The following NRXN1 variants were observed in gnomAD, a reference collection of about 807,000 sequenced individuals.
NRXN1 encodes neurexin-1.
A neutral mutation model predicts 150.9 loss-of-function variants in NRXN1; 39 were observed. The ratio of observed to expected loss-of-function variants is 0.26; its 90% CI spans 0.20 to 0.34. The LOEUF (loss-of-function observed/expected upper bound fraction) is 0.34. Ranked by LOEUF, NRXN1 falls within the 10% of genes least tolerant of loss-of-function variation. The pLI is 1.00. For missense variants in NRXN1, 1,815 were observed against 1,949.9 expected (o/e 0.93, Z 1.30); for synonymous variants, 924 against 757.0 (o/e 1.22, Z -3.62).
intron 5 of NRXN1, among the ~76,000 whole-genome samples, chr2:50,743,892 A>G (rs1273216528): frequency 2.0e-5 from 3 of 152,194 alleles, no homozygotes; most frequent in African/African-American, 7.2e-5. Context: ...ATTAATGGAA[A>G]CAGAAAGTTT....
At chr2:50,416,680 C>T (rs2083562142) in intron 17 of NRXN1, among the ~76,000 whole-genome samples, 2 of 152,010 alleles carry the variant, frequency 1.3e-5, no homozygotes, top group South Asian at 4.1e-4. Flanking sequence ...GGGAAGCAAA[C>T]ATGTCCTTCT....
intron 5 of NRXN1, among the ~76,000 whole-genome samples, chr2:50,840,193 T>A (rs1672672447): frequency 6.6e-6 from 1 of 152,180 alleles, no homozygotes; most frequent in Non-Finnish European, 1.5e-5. Context: ...GTTAAATGAA[T>A]GAGTTTTTAA....
intron 17 of NRXN1, among the ~76,000 whole-genome samples, chr2:50,370,589 A>T (rs774118890): frequency 3.9e-5 from 6 of 151,970 alleles, no homozygotes; most frequent in Non-Finnish European, 8.8e-5. Flanking sequence ...TCCTTTGCAG[A>T]CAGTTCTCTG....
chr2:50,244,245 T>A (rs2066295710), intron 17 of NRXN1, among the ~76,000 whole-genome samples: 1 of 151,892 alleles, frequency 6.6e-6, no homozygotes, highest in Admixed American at 6.6e-5. Flanking sequence ...GAAATAATTA[T>A]TTAAAATGTA....
At chr2:50,351,454 C>G (rs1399045069) in intron 17 of NRXN1, among the ~76,000 whole-genome samples, 1 of 152,102 alleles carries the variant, frequency 6.6e-6, no homozygotes, top group Non-Finnish European at 1.5e-5. Flanking sequence ...TAAGTTATCA[C>G]TGATGAAATT....
chr2:50,549,927 T>C (rs1329683202), intron 9 of NRXN1, among the ~76,000 whole-genome samples: 2 of 152,136 alleles, frequency 1.3e-5, no homozygotes, highest in African/African-American at 2.4e-5. Flanking sequence ...TATACACATA[T>C]ACATGTAGAG....
intron 5 of NRXN1, among the ~76,000 whole-genome samples, chr2:50,865,067 C>G (rs68017496): frequency 0.18 from 26,530 of 151,482 alleles, 2,446 homozygotes; most frequent in Middle Eastern, 0.21. Context: ...TGTGTGTATG[C>G]GGTGAGGGGG....
At chr2:50,259,103 TA>T (rs1244437611) in intron 17 of NRXN1, among the ~76,000 whole-genome samples, 1 of 151,970 alleles carries the variant, frequency 6.6e-6, no homozygotes. Flanking sequence ...CATTAGCCCC[TA>T]AAAGAGAGTC....
intron 17 of NRXN1, among the ~76,000 whole-genome samples, chr2:50,423,260 A>G (rs762583846): frequency 6.6e-6 from 1 of 152,164 alleles, no homozygotes; most frequent in Non-Finnish European, 1.5e-5. Context: ...CCTTAAAAAC[A>G]GGGATATATC....
At chr2:50,080,578 T>C (rs1020189532) in intron 19 of NRXN1, among the ~76,000 whole-genome samples, 50 of 152,182 alleles carry the variant, frequency 3.3e-4, no homozygotes, top group Admixed American at 9.2e-4. Context: ...AATGAAACTC[T>C]GAAACCATGC....
At chr2:50,521,830 C>A (rs751830869) in intron 12 of NRXN1, among the ~76,000 whole-genome samples, 29 of 152,076 alleles carry the variant, frequency 1.9e-4, no homozygotes, top group Non-Finnish European at 4.1e-4. Flanking sequence ...ATTTGGATCA[C>A]CAGTGGATCC....
At chr2:50,815,438 C>A (rs951758160) in intron 5 of NRXN1, among the ~76,000 whole-genome samples, 1 of 152,010 alleles carries the variant, frequency 6.6e-6, no homozygotes, top group African/African-American at 2.4e-5. Flanking sequence ...AACACAGTAA[C>A]AATATGTGAG....
At chr2:51,031,611 T>G (rs573009508) in intron 1 of NRXN1, among the ~76,000 whole-genome samples, 1 of 152,286 alleles carries the variant, frequency 6.6e-6, no homozygotes, top group South Asian at 2.1e-4. Flanking sequence ...CAGTGCAGTT[T>G]CTTGGAGCTC....
intron 12 of NRXN1, among the ~76,000 whole-genome samples, chr2:50,508,738 C>G (rs1246587650): frequency 6.6e-6 from 1 of 152,154 alleles, no homozygotes; most frequent in African/African-American, 2.4e-5. Context: ...TATGCAACAA[C>G]TATTTCCATA....
intron 5 of NRXN1, among the ~76,000 whole-genome samples, chr2:50,763,215 A>G (rs968054118): frequency 1.3e-5 from 2 of 151,948 alleles, no homozygotes; most frequent in African/African-American, 4.8e-5. Context: ...TGTTACTATT[A>G]ATTAGTCCCA....
At chr2:50,158,967 C>G (rs2059198272) in intron 18 of NRXN1, among the ~76,000 whole-genome samples, 1 of 152,060 alleles carries the variant, frequency 6.6e-6, no homozygotes, top group South Asian at 2.1e-4. Flanking sequence ...TACCATTCAT[C>G]ACACGCAAGG....
chr2:49,926,202 T>G (rs966405405), intron 22 of NRXN1: 1 of 395,688 alleles, frequency 2.5e-6, no homozygotes, highest in African/African-American at 2.1e-5. Flanking sequence ...CATATTTATA[T>G]TCACTTCTTT....
intron 8 of NRXN1, among the ~76,000 whole-genome samples, chr2:50,555,690 A>T (rs1047029769): frequency 1.4e-4 from 22 of 152,216 alleles, no homozygotes; most frequent in Non-Finnish European, 2.9e-5. Flanking sequence ...TCTAGATTAT[A>T]GGCTTTTGTA....
chr2:50,949,021 C>T (rs1373941824), intron 2 of NRXN1, among the ~76,000 whole-genome samples: 3 of 152,000 alleles, frequency 2.0e-5, no homozygotes, highest in Non-Finnish European at 4.4e-5. Flanking sequence ...ACTGCTAGAT[C>T]TGTTCTATAA....
Sources: allele counts gnomAD v4.1 joint callset (sites outside exome capture counted in the v4.1 genomes callset), GRCh38; gene constraint gnomAD v4.1.1; transcripts MANE v1.5; gene names NCBI Gene and HGNC (gene_info 2026-07-23, HGNC 2026-07-21).